The following NRXN3 variants were observed in gnomAD, a reference collection of about 807,000 sequenced individuals.
NRXN3 encodes the protein neurexin III.
A neutral mutation model predicts 137.6 loss-of-function variants in NRXN3; 32 were observed. The ratio of observed to expected loss-of-function variants is 0.23; its 90% CI spans 0.18 to 0.31. The LOEUF (loss-of-function observed/expected upper bound fraction) is 0.31, where lower values mean the gene tolerates loss of function less well. Ranked by LOEUF, NRXN3 falls within the 10% of genes least tolerant of loss-of-function variation. NRXN3 has a pLI of 1.00. For synonymous variants in NRXN3, 798 were observed against 784.5 expected (o/e 1.02, Z -0.29); for missense variants, 1,574 against 2,062.5 (o/e 0.76, Z 4.59).
chr14:79,370,290 T>G (rs1168920326), intron 15 of NRXN3, among the ~76,000 whole-genome samples: 1 of 149,128 alleles, frequency 6.7e-6, no homozygotes, highest in East Asian at 1.9e-4. Flanking sequence ...TTTATCGGGT[T>G]TTTTTTGTTT....
chr14:78,743,066 C>G (rs17835706), intron 8 of NRXN3, among the ~76,000 whole-genome samples: 35,735 of 152,018 alleles, frequency 0.24, 4,465 homozygotes, highest in Middle Eastern at 0.3. Context: ...TTTATGCAGG[C>G]AAGTGTGGTT....
At chr14:79,258,889 CT>C (rs1364640636) in intron 15 of NRXN3, among the ~76,000 whole-genome samples, 2 of 152,326 alleles carry the variant, frequency 1.3e-5, no homozygotes, top group East Asian at 3.9e-4. Context: ...AGAACTGAAA[CT>C]TTGTCTTTTC....
chr14:79,664,037 A>T, intron 17 of NRXN3, 88 bp downstream of exon 17: 10 of 1,313,160 alleles, frequency 7.6e-6, no homozygotes, highest in Non-Finnish European at 9.7e-6. Context: ...CTGTCACCAA[A>T]TTCCAGAACA....
chr14:78,388,166 C>G (rs2090247964), intron 4 of NRXN3, among the ~76,000 whole-genome samples: 1 of 152,168 alleles, frequency 6.6e-6, no homozygotes, highest in Non-Finnish European at 1.5e-5. Context: ...GGTCAAAAAC[C>G]TGTCACTTCA....
chr14:79,243,902 A>T (rs1420646746), intron 15 of NRXN3, among the ~76,000 whole-genome samples: 1 of 152,130 alleles, frequency 6.6e-6, no homozygotes, highest in Non-Finnish European at 1.5e-5. Flanking sequence ...GACAAAAAAA[A>T]TCTGAACCCC....
At chr14:79,495,640 G>GGGT (rs2096759080) in intron 16 of NRXN3, among the ~76,000 whole-genome samples, 1 of 152,140 alleles carries the variant, frequency 6.6e-6, no homozygotes, top group African/African-American at 2.4e-5. Context: ...CAACAACCCT[G>GGGT]TGATGTAGGA....
chr14:79,348,591 A>T (rs190041470), intron 15 of NRXN3, among the ~76,000 whole-genome samples: 2 of 151,952 alleles, frequency 1.3e-5, no homozygotes, highest in African/African-American at 4.8e-5. Context: ...GTTAGCCAGG[A>T]TGGTCTGGAT....
chr14:79,828,947 G>T (rs921990497), intron 20 of NRXN3, among the ~76,000 whole-genome samples: 6 of 152,144 alleles, frequency 3.9e-5, no homozygotes, highest in Non-Finnish European at 5.9e-5. Flanking sequence ...TGGTGGAGAG[G>T]AAGTGGAGAT....
chr14:78,223,060 T>C (rs1487079164), intron 1 of NRXN3, among the ~76,000 whole-genome samples: 2 of 152,248 alleles, frequency 1.3e-5, no homozygotes, highest in African/African-American at 2.4e-5. Flanking sequence ...TCAGGATGAC[T>C]AGGCATTCAT....
At chr14:79,129,124 A>C (rs1350282797) in intron 15 of NRXN3, among the ~76,000 whole-genome samples, 1 of 152,090 alleles carries the variant, frequency 6.6e-6, no homozygotes, top group Non-Finnish European at 1.5e-5. Context: ...CTTTCAAAAA[A>C]CGAGCTCCTG....
At chr14:79,181,621 CA>C (rs1448606063) in intron 15 of NRXN3, among the ~76,000 whole-genome samples, 1 of 141,240 alleles carries the variant, frequency 7.1e-6, no homozygotes, top group Admixed American at 7.5e-5. Flanking sequence ...GCGGAGGATG[CA>C]ATCAGCCAAG....
At chr14:78,693,167 C>T (rs2098190106) in intron 6 of NRXN3, among the ~76,000 whole-genome samples, 2 of 151,996 alleles carry the variant, frequency 1.3e-5, no homozygotes, top group South Asian at 4.2e-4. Flanking sequence ...ATCTAGCCTT[C>T]ATTATTAGTC....
In NRXN3 at chr14:79,862,726, C is replaced by G. The variant is rs990584032; in HGVS notation, c.*762C>G. On this transcript the variant is annotated 3_prime_UTR_variant, in exon 21 of 21. Coordinates refer to ENST00000335750, the MANE Select transcript of NRXN3 (RefSeq NM_001330195.2). ...TGTCTCTAGAATCTGTTGTTTGTTTCCTATAAGATGCTTTGCTGAACACAT... is the reference window on the plus strand; with the variant it reads ...TGTCTCTAGAATCTGTTGTTTGTTTGCTATAAGATGCTTTGCTGAACACAT... 1 of 152,556 alleles carries G rather than the reference C, an allele frequency of 6.6e-6. No homozygotes were observed. Among genetic ancestry groups the G allele is most frequent in the Non-Finnish European group, 1.5e-5 (1 of 68,038 alleles). The allele number at this position is 152,556 out of a possible 1,614,324, so 9.5% of individuals were successfully genotyped here. A position where few individuals can be genotyped will look rare whatever the true frequency, so the allele number is the denominator to read the frequency against.
At chr14:78,611,445 T>G (rs7142533) in intron 4 of NRXN3, among the ~76,000 whole-genome samples, 2,879 of 151,870 alleles carry the variant, frequency 0.019, 99 homozygotes, top group East Asian at 0.18. Flanking sequence ...TTTCCTTCTC[T>G]CTGAATCACT....
At chr14:78,900,943 A>G (rs2099193949) in intron 10 of NRXN3, among the ~76,000 whole-genome samples, 3 of 152,016 alleles carry the variant, frequency 2.0e-5, no homozygotes, top group Admixed American at 6.6e-5. Flanking sequence ...AAGGACATCA[A>G]ATGACTCGCC....
At chr14:78,731,732 T>C (rs2098516789) in intron 8 of NRXN3, among the ~76,000 whole-genome samples, 1 of 151,824 alleles carries the variant, frequency 6.6e-6, no homozygotes, top group African/African-American at 2.4e-5. Context: ...TGTGTATATA[T>C]ATAACATGTT....
chr14:78,291,055 C>A (rs542237861), intron 3 of NRXN3, among the ~76,000 whole-genome samples: 43 of 152,302 alleles, frequency 2.8e-4, no homozygotes, highest in African/African-American at 1.0e-3. Flanking sequence ...TTAAACCATG[C>A]TGAGCCAGGG....
intron 15 of NRXN3, among the ~76,000 whole-genome samples, chr14:79,059,738 T>A (rs1179430551): frequency 6.6e-6 from 1 of 152,206 alleles, no homozygotes; most frequent in African/African-American, 2.4e-5. Flanking sequence ...TTCATTTTTG[T>A]AAATTCTCAT....
chr14:78,539,183 G>A (rs1316523543), intron 4 of NRXN3, among the ~76,000 whole-genome samples: 6 of 152,186 alleles, frequency 3.9e-5, no homozygotes, highest in African/African-American at 7.2e-5. Context: ...AGTTTTAGAA[G>A]GAATGCTAGC....
Sources: allele counts gnomAD v4.1 joint callset (sites outside exome capture counted in the v4.1 genomes callset), GRCh38; gene constraint gnomAD v4.1.1; transcripts MANE v1.5; gene names NCBI Gene and HGNC (gene_info 2026-07-23, HGNC 2026-07-21).